SLU7: variants seen among roughly 807,000 people sequenced by gnomAD.
SLU7 encodes spliceosome associated SLU7, also known as pre-mRNA-splicing factor SLU7.
SLU7 carries 60 observed loss-of-function variants against 87.0 expected under a neutral mutation model. The ratio of observed to expected loss-of-function variants is 0.69; its 90% CI spans 0.56 to 0.86. SLU7 has a LOEUF of 0.86. Ranked by LOEUF, SLU7 falls within the 40% of genes least tolerant of loss-of-function variation. SLU7 has a pLI of 0.00. For synonymous variants in SLU7, 197 were observed against 222.0 expected (o/e 0.89, Z 1.00); for missense variants, 507 against 686.6 (o/e 0.74, Z 2.92).
At chr5:160,413,761 A>T in intron 4 of SLU7, 138 bp downstream of exon 4, 1 of 960,380 alleles carries the variant, frequency 1.0e-6, no homozygotes, top group Non-Finnish European at 1.5e-6. Context: ...TTGGTGTTGA[A>T]CCAATTCCAC....
intron 5 of SLU7, 149 bp from the exon 6 acceptor site, chr5:160,412,668 T>C (rs1441079861): frequency 1.7e-6 from 1 of 587,030 alleles, no homozygotes; most frequent in Admixed American, 3.3e-5. Context: ...AACAAACCTA[T>C]CTCTTTGGGA....
Position 160,404,869 on chromosome 5 carries a change from C to A in SLU7, c.1404G>T (p.Glu468Asp), listed in dbSNP as rs1764941844. The part of the protein sequence containing the change: ...EAGKEIVNSE[E>D]CIINEITGEE... ...CCCCAGTTATCTCATTTATAATACA[C>A]TCCTCAGAGTTCTGTGGGAAATACA... is the stretch of plus-strand genomic sequence containing the variant. The change falls in exon 14 of 16, where the codon GAG becomes GAT. Residue 468 changes from glutamate to aspartate, a missense_variant. Physicochemically the swap from Glu to Asp is conservative, Grantham distance 45. This residue lies in a region of SLU7 where 201 missense variants were observed against 213.4 expected (regional missense o/e 0.94). Transcript: ENST00000297151. 2 of 1,607,974 alleles carry A rather than the reference C, an allele frequency of 1.2e-6. No individual in the cohort carries two copies. The highest frequency in any genetic ancestry group is 1.7e-6 in the Non-Finnish European group (2 of 1,174,418).
At chr5:160,417,207 A>C (rs984077263) in intron 1 of SLU7, 2 of 152,206 alleles carry the variant, frequency 1.3e-5, no homozygotes, top group Non-Finnish European at 2.9e-5. Flanking sequence ...AAATCCTCCA[A>C]TGCAGTACCG....
chr5:160,410,543 A>C (rs1340339297), intron 6 of SLU7, among the ~76,000 whole-genome samples: 1 of 152,240 alleles, frequency 6.6e-6, no homozygotes, highest in East Asian at 1.9e-4. Flanking sequence ...CGTTGTGCAC[A>C]TGTACCCTAA....
Position 160,414,484 on chromosome 5 carries a change from G to C in SLU7, c.171-12C>G. 7.5e-7 allele frequency: 1 copy of C among 1,335,268 alleles called. No homozygotes were observed. Among genetic ancestry groups the C allele is most frequent in the Non-Finnish European group, 9.9e-7 (1 of 1,005,684 alleles). The allele number at this position is 1,335,268 out of a possible 1,614,324, so 82.7% of individuals were successfully genotyped here. ...GGGGGTTGATGTCTCTGTAATTAAA[G>C]TAAAAAAAAAAAAAATTTAAGGATA... On this transcript the variant is annotated splice_polypyrimidine_tract_variant and intron_variant, in intron 2 of 15. Coordinates refer to ENST00000297151, the MANE Select transcript of SLU7 (RefSeq NM_006425.5).
intron 6 of SLU7, among the ~76,000 whole-genome samples, chr5:160,409,777 T>A (rs1219027397): frequency 1.3e-5 from 2 of 152,258 alleles, no homozygotes; most frequent in East Asian, 3.9e-4. Context: ...AAAGTATGTA[T>A]CGTTTCCTAA....
In SLU7 at chr5:160,408,352, T is replaced by G. The variant is rs753301384; in HGVS notation, c.796A>C (p.Arg266=). ...ACTTTTGCAATATCTTCTCGAATCC[T>G]GAGATTCCGGACAGTAATTCGTCTC... ...SKRRITVRNL[R]IREDIAKYLR... Residue 266 remains arginine, a synonymous_variant, in exon 8 of 16, where the codon AGG becomes CGG. Transcript: ENST00000297151. The G allele has an allele frequency of 6.2e-7, 1 of 1,609,106 alleles. No homozygotes were observed. Among genetic ancestry groups the G allele is most frequent in the East Asian group, 2.2e-5 (1 of 44,672 alleles).
chr5:160,403,862 A>T (rs939945810), intron 15 of SLU7, among the ~76,000 whole-genome samples: 4 of 152,220 alleles, frequency 2.6e-5, no homozygotes, highest in Admixed American at 1.3e-4. Context: ...TCAACATGCC[A>T]ATAACTCTAA....
chr5:160,408,780 A>C, intron 6 of SLU7, 83 bp from the exon 7 acceptor site: 1 of 274,776 alleles, frequency 3.6e-6, no homozygotes, highest in South Asian at 7.1e-5. Flanking sequence ...ATAAAGTATT[A>C]TTATCTTATT....
At chr5:160,406,684 A>G (rs1252553079) in intron 11 of SLU7, 55 bp from the exon 12 acceptor site, 2 of 1,296,720 alleles carry the variant, frequency 1.5e-6, no homozygotes, top group African/African-American at 1.5e-5. Flanking sequence ...TTGCATTTAA[A>G]TTTCCAGAAA....
intron 1 of SLU7, chr5:160,417,054 T>G (rs1316171622): frequency 6.6e-6 from 1 of 152,220 alleles, no homozygotes; most frequent in East Asian, 1.9e-4. Flanking sequence ...GAGGTACCTT[T>G]CACCATGTTT....
At position 160,404,221 on chromosome 5, in the gene SLU7, T is replaced by C. The variant is rs4244410; in HGVS notation, c.1581+219A>G. 0.44 allele frequency among the ~76,000 whole-genome samples: 67,244 copies of C among 152,034 alleles called. 15,325 individuals are homozygous for C. Among genetic ancestry groups the C allele is most frequent in the African/African-American group, 0.55 (22,988 of 41,466 alleles). On this transcript the variant is annotated intron_variant, in intron 15 of 15. Transcript: ENST00000297151. ...TCTATAAAAAAATACAGAAATTAGC[T>C]GCACATGGGGGCATGTGCCTGTAAT...
At chr5:160,415,066 T>A in intron 2 of SLU7, 59 bp downstream of exon 2, 2 of 1,391,706 alleles carry the variant, frequency 1.4e-6, no homozygotes, top group Non-Finnish European at 1.9e-6. Flanking sequence ...ATTAATAAAC[T>A]AAGTAGACAT....
chr5:160,405,693 AT>A (rs1268254375), intron 12 of SLU7, among the ~76,000 whole-genome samples: 1 of 152,230 alleles, frequency 6.6e-6, no homozygotes, highest in African/African-American at 2.4e-5. Flanking sequence ...TTGTCAAAAT[AT>A]TTAACTTATA....
rs993688605 is a variant in SLU7 at position 160,412,626 on chromosome 5, T to A, written c.571-107A>T. 7.2e-5 allele frequency: 48 copies of A among 668,796 alleles called. 1 individual carries two copies. In the Middle Eastern group the frequency reaches 1.2e-3, roughly 17 times the overall value. 41.4% of individuals were successfully genotyped at this position (668,796 alleles called of 1,614,324 possible). A position where few individuals can be genotyped will look rare whatever the true frequency, so the allele number is the denominator to read the frequency against. ...TTTTTATATATTTAAAATGAATAAC[T>A]TTAAATTAATTTATTTCAGAAAAGG... On this transcript the variant is annotated intron_variant, in intron 5 of 15. Transcript: ENST00000297151.
intron 1 of SLU7, among the ~76,000 whole-genome samples, chr5:160,416,022 A>G (rs1489265372): frequency 6.6e-6 from 1 of 152,028 alleles, no homozygotes; most frequent in Non-Finnish European, 1.5e-5. Context: ...TCTCCCGAGT[A>G]GCTCGATTAC....
intron 14 of SLU7, 79 bp downstream of exon 14, chr5:160,404,730 A>G (rs1764932663): frequency 2.2e-6 from 2 of 910,836 alleles, no homozygotes; most frequent in East Asian, 2.7e-5. Flanking sequence ...GTTTCAAAAG[A>G]AAAAAAAAAA....
rs1227733365 is a variant in SLU7, at chr5:160,412,523, T to A, written c.571-4A>T. On this transcript the variant is annotated splice_polypyrimidine_tract_variant and splice_region_variant and intron_variant, in intron 5 of 15. Coordinates refer to ENST00000297151, the MANE Select transcript of SLU7 (RefSeq NM_006425.5). Reference sequence around the variant, plus strand: ...GGGCTTTCAATGTTCGTTTTGCCTTTAAAAAAAAAAAAAAGAAAGAAAGAA... The same window carrying A: ...GGGCTTTCAATGTTCGTTTTGCCTTAAAAAAAAAAAAAAAGAAAGAAAGAA... The A allele has an allele frequency of 2.7e-3, 2,250 of 834,826 alleles. 5 individuals are homozygous for A. The highest frequency in any genetic ancestry group is 5.0e-3 in the South Asian group (200 of 39,952). 51.7% of individuals were successfully genotyped at this position (834,826 alleles called of 1,614,324 possible). A position where few individuals can be genotyped will look rare whatever the true frequency, so the allele number is the denominator to read the frequency against.
chr5:160,408,580 T>C (rs1198673441), intron 7 of SLU7, 70 bp downstream of exon 7: 2 of 1,377,310 alleles, frequency 1.5e-6, no homozygotes, highest in Non-Finnish European at 2.0e-6. Flanking sequence ...CTATTATTAG[T>C]GTTATTTATT....
Sources: allele counts gnomAD v4.1 joint callset (sites outside exome capture counted in the v4.1 genomes callset), GRCh38; gene constraint gnomAD v4.1.1; regional missense constraint gnomAD v4.1.1; transcripts MANE v1.5; gene names NCBI Gene and HGNC (gene_info 2026-07-23, HGNC 2026-07-21).